Variants in TMOD3 observed in about 807,000 individuals in gnomAD.
The protein encoded by TMOD3 is tropomodulin-3.
A neutral mutation model predicts 39.2 loss-of-function variants in TMOD3; 20 were observed. That is an observed-to-expected ratio of 0.51 (90% CI 0.36 to 0.74). The LOEUF (loss-of-function observed/expected upper bound fraction) is 0.74, where lower values mean the gene tolerates loss of function less well. TMOD3 is among the 30% of genes least tolerant of loss of function. TMOD3 has a pLI of 0.00. For missense variants in TMOD3, 381 were observed against 412.8 expected (o/e 0.92, Z 0.67); for synonymous variants, 143 against 145.8 (o/e 0.98, Z 0.14).
intron 5 of TMOD3, among the ~76,000 whole-genome samples, chr15:51,890,676 A>AT (rs766399938): frequency 5.3e-4 from 80 of 152,254 alleles, no homozygotes; most frequent in Non-Finnish European, 1.3e-4. Flanking sequence ...AACCCGTGTT[A>AT]TATAGTGTAT....
intron 9 of TMOD3, among the ~76,000 whole-genome samples, chr15:51,904,338 C>T (rs1389200272): frequency 4.6e-5 from 7 of 152,164 alleles, no homozygotes; most frequent in Admixed American, 4.6e-4. Context: ...TTGGCAGGGG[C>T]CATGTCCGAC....
At chr15:51,882,020 G>C (rs1480691063) in intron 3 of TMOD3, among the ~76,000 whole-genome samples, 1 of 151,174 alleles carries the variant, frequency 6.6e-6, no homozygotes, top group Non-Finnish European at 1.5e-5. Context: ...TCAGCCTCCC[G>C]AGTAGCTGGG....
intron 5 of TMOD3, among the ~76,000 whole-genome samples, chr15:51,892,808 T>C (rs373273205): frequency 6.6e-6 from 1 of 152,214 alleles, no homozygotes; most frequent in Admixed American, 6.5e-5. Flanking sequence ...CATACTATTA[T>C]TTTATCTTAA....
intron 1 of TMOD3, chr15:51,861,023 C>G (rs1332156442): frequency 1.4e-6 from 1 of 705,632 alleles, no homozygotes; most frequent in African/African-American, 1.8e-5. Context: ...CACCTTGTAC[C>G]TGGTGTACAA....
At position 51,915,293 on chromosome 15, in the gene TMOD3, T is replaced by G. The variant is rs1354976253; in HGVS notation, c.*6483T>G. On this transcript the variant is annotated 3_prime_UTR_variant, in exon 10 of 10. Transcript: ENST00000308580. ...AGCTTTTGATTCAGTGGTTTCAAATTTTCAGATCAATCCATTTAAGAATTG... is the reference window on the plus strand; with the variant it reads ...AGCTTTTGATTCAGTGGTTTCAAATGTTCAGATCAATCCATTTAAGAATTG... 1 of 152,172 alleles carries G rather than the reference T, an allele frequency of 6.6e-6. No individual in the cohort carries two copies. Among genetic ancestry groups the G allele is most frequent in the Non-Finnish European group, 1.5e-5 (1 of 68,014 alleles). The allele number at this position is 152,172 out of a possible 1,614,324, so 9.4% of individuals were successfully genotyped here.
chr15:51,906,384 A>T (rs1015425435), intron 9 of TMOD3, among the ~76,000 whole-genome samples: 1 of 152,134 alleles, frequency 6.6e-6, no homozygotes. Context: ...CAGATCTTTG[A>T]GTTCTGATTT....
intron 3 of TMOD3, among the ~76,000 whole-genome samples, chr15:51,880,283 T>TA (rs1179457251): frequency 6.6e-6 from 1 of 152,206 alleles, no homozygotes; most frequent in Non-Finnish European, 1.5e-5. Context: ...AAACCCATAC[T>TA]AATAAGTCAG....
At chr15:51,889,833 G>A (rs978793471) in intron 5 of TMOD3, among the ~76,000 whole-genome samples, 2 of 152,114 alleles carry the variant, frequency 1.3e-5, no homozygotes, top group East Asian at 1.9e-4. Context: ...TACTGCACTC[G>A]AGCCTGGGCA....
In TMOD3 at chr15:51,841,981, G is replaced by C. The variant is rs147089296; in HGVS notation, c.-75+12145G>C. Among the ~76,000 whole-genome samples, 571 of 152,136 alleles carry C rather than the reference G, an allele frequency of 3.8e-3. 4 individuals carry two copies. Among genetic ancestry groups the C allele is most frequent in the African/African-American group, 0.013 (535 of 41,522 alleles). Reference sequence around the variant, plus strand: ...AGTAGAGATGGGGTTTCACCATGTTGGCCAGGCTGGTCTCAAACTCCTGAC... The same window carrying C: ...AGTAGAGATGGGGTTTCACCATGTTCGCCAGGCTGGTCTCAAACTCCTGAC... On this transcript the variant is annotated intron_variant, in intron 1 of 9. Transcript: ENST00000308580.
chr15:51,884,849 C>G (rs944996856), intron 3 of TMOD3, among the ~76,000 whole-genome samples: 1 of 152,170 alleles, frequency 6.6e-6, no homozygotes, highest in Non-Finnish European at 1.5e-5. Flanking sequence ...GCTAAACCAA[C>G]CCTAGAACCA....
rs2094761950 is a variant in TMOD3, at chr15:51,832,211, A to ATATATATATATATATATATATATATC, written c.-75+2396_-75+2397insATATCTATATATATATATATATATAT. On this transcript the variant is annotated intron_variant, in intron 1 of 9. Transcript: ENST00000308580. ...TAAAAAAAGAAAAAAAATTATATAT[A>ATATATATATATATATATATATATATC]TATATATATATATATATATATGAAT... Among the ~76,000 whole-genome samples, 13 of 119,966 alleles carry ATATATATATATATATATATATATATC rather than the reference A, an allele frequency of 1.1e-4. 2 individuals carry two copies. The highest frequency in any genetic ancestry group is 1.7e-4 in the Non-Finnish European group (10 of 58,876). 78.7% of individuals were successfully genotyped at this position (119,966 alleles called of 152,430 possible).
At position 51,889,056 on chromosome 15, in the gene TMOD3, C is replaced by T; in HGVS notation, c.407C>T (p.Ala136Val). The stretch of plus-strand genomic sequence containing the variant: ...AAACTTTCTTTTTCTGTATTTATAG[C>T]AATTCTTGGGATGCACAATTTGATA... ...ASDTELCDLAAILGMHNLITN... is the reference protein window; with the variant it reads ...ASDTELCDLAVILGMHNLITN... The change falls in exon 5 of 10, where the codon GCA becomes GTA. Residue 136 changes from alanine (A) to valine (V), a missense_variant and splice_region_variant. Coordinates refer to ENST00000308580, the MANE Select transcript of TMOD3 (RefSeq NM_014547.5). 1 of 1,564,322 alleles carries T rather than the reference C, an allele frequency of 6.4e-7. No individual in the cohort carries two copies. Among genetic ancestry groups the T allele is most frequent in the Non-Finnish European group, 8.6e-7 (1 of 1,157,350 alleles).
intron 1 of TMOD3, among the ~76,000 whole-genome samples, chr15:51,834,133 A>G (rs1455704606): frequency 6.6e-6 from 1 of 152,014 alleles, no homozygotes; most frequent in African/African-American, 2.4e-5. Context: ...TGGGTCATTC[A>G]TCTTTTTATT....
intron 3 of TMOD3, chr15:51,884,770 G>C (rs1308990586): frequency 2.0e-5 from 3 of 152,194 alleles, no homozygotes; most frequent in Non-Finnish European, 4.4e-5. Context: ...TAAGAACAAA[G>C]GCCTCCACAC....
rs769246627 is a variant in TMOD3 at position 51,862,938 on chromosome 15, T to C, written c.54T>C (p.Asp18=). The change falls in exon 2 of 10, where the codon GAT becomes GAC. Residue 18 remains aspartate, a synonymous_variant. Transcript: ENST00000308580. ...DLEKYKDLDE[D]ELLGNLSETE... is the part of the protein sequence containing the mutation. ...AAAAGTACAAAGACCTTGATGAAGA[T>C]GAGCTCCTTGGGAATCTGTCAGAAA... is the stretch of plus-strand genomic sequence containing the variant. 4.3e-6 allele frequency: 7 copies of C among 1,613,132 alleles called. No individual in the cohort carries two copies. The highest frequency in any genetic ancestry group is 1.1e-5 in the South Asian group (1 of 91,064).
intron 1 of TMOD3, among the ~76,000 whole-genome samples, chr15:51,830,742 C>T (rs2056250801): frequency 6.6e-6 from 1 of 152,274 alleles, no homozygotes; most frequent in South Asian, 2.1e-4. Context: ...TTCTGAGAAA[C>T]CTTCAGATTA....
rs34898032 is a variant in TMOD3 at position 51,875,611 on chromosome 15, C to CTTT, written c.283+6255_283+6257dup. Among the ~76,000 whole-genome samples, 16 of 116,102 alleles carry CTTT rather than the reference C, an allele frequency of 1.4e-4. 1 individual carries two copies. Among genetic ancestry groups the CTTT allele is most frequent in the Admixed American group, 4.0e-4 (4 of 9,886 alleles). 76.2% of individuals were successfully genotyped at this position (116,102 alleles called of 152,430 possible). ...TGATTTACATACCGTAAAGTACTGC[C>CTTT]TTTTTTTTTTTTTTTTTTTCCTGAG... On this transcript the variant is annotated intron_variant, in intron 3 of 9. Transcript: ENST00000308580.
At chr15:51,870,518 A>G (rs2056469804) in intron 3 of TMOD3, among the ~76,000 whole-genome samples, 1 of 152,122 alleles carries the variant, frequency 6.6e-6, no homozygotes, top group Non-Finnish European at 1.5e-5. Flanking sequence ...GGCCCTTCTC[A>G]ATCATTTTGG....
chr15:51,858,663 A>G (rs1051544781), intron 1 of TMOD3, among the ~76,000 whole-genome samples: 5 of 152,210 alleles, frequency 3.3e-5, no homozygotes, highest in Admixed American at 6.5e-5. Flanking sequence ...CATACCATGT[A>G]TCTTTTACAA....
Sources: allele counts gnomAD v4.1 joint callset (sites outside exome capture counted in the v4.1 genomes callset), GRCh38; gene constraint gnomAD v4.1.1; transcripts MANE v1.5; gene names NCBI Gene and HGNC (gene_info 2026-07-23, HGNC 2026-07-21).